The following CERS6 variants were observed in gnomAD, a reference collection of about 807,000 sequenced individuals.
The protein encoded by CERS6 is ceramide synthase 6.
CERS6 carries 26 observed loss-of-function variants against 56.8 expected under a neutral mutation model. The ratio of observed to expected loss-of-function variants is 0.46; its 90% CI spans 0.34 to 0.63. The LOEUF is 0.63. Among genes scored for constraint, CERS6 ranks in the 30% least tolerant of loss-of-function variants. The pLI is 0.01. For missense variants in CERS6, 415 were observed against 467.5 expected, an observed-to-expected ratio of 0.89 and a Z score of 1.04; for synonymous variants, 164 against 173.3, an observed-to-expected ratio of 0.95 and a Z score of 0.42.
At chr2:168,535,130 G>T (rs1695236996) in intron 1 of CERS6, among the ~76,000 whole-genome samples, 1 of 152,224 alleles carries the variant, frequency 6.6e-6, no homozygotes, top group Admixed American at 6.5e-5. Flanking sequence ...CCTGCCCAGG[G>T]AGCTTAGCAT....
intron 4 of CERS6, among the ~76,000 whole-genome samples, chr2:168,678,610 C>T (rs1016838370): frequency 6.6e-6 from 1 of 152,202 alleles, no homozygotes; most frequent in Non-Finnish European, 1.5e-5. Flanking sequence ...TACACTTTTA[C>T]TGCCAGCTCT....
At chr2:168,552,889 C>T (rs1695601669) in intron 2 of CERS6, among the ~76,000 whole-genome samples, 1 of 151,972 alleles carries the variant, frequency 6.6e-6, no homozygotes, top group South Asian at 2.1e-4. Context: ...CTCCTGTTAA[C>T]AAAATTTTCA....
At chr2:168,609,920 A>G (rs1000272360) in intron 3 of CERS6, among the ~76,000 whole-genome samples, 5 of 150,944 alleles carry the variant, frequency 3.3e-5, no homozygotes, top group Non-Finnish European at 5.9e-5. Context: ...CCTTGAAAAT[A>G]GAGGTAACTC....
chr2:168,752,609 C>T lies in CERS6; in HGVS notation c.846-12983C>T, dbSNP rs147263358. ...CTGGTGATGGGGTGCGAACAAGGAG[C>T]GTGGCACGTAGCTGGCAGCTACAGT... On this transcript the variant is annotated intron_variant, in intron 8 of 9. Coordinates refer to ENST00000305747, the MANE Select transcript of CERS6 (RefSeq NM_203463.3). Among the ~76,000 whole-genome samples, 580 of 152,180 alleles carry T rather than the reference C, an allele frequency of 3.8e-3. 6 individuals are homozygous for T. The highest frequency in any genetic ancestry group is 2.6e-3 in the Non-Finnish European group (174 of 67,996).
chr2:168,472,016 G>T (rs542270153), intron 1 of CERS6, among the ~76,000 whole-genome samples: 19 of 152,118 alleles, frequency 1.2e-4, no homozygotes, highest in Non-Finnish European at 2.5e-4. Flanking sequence ...ATTGACCCAT[G>T]TGTGCACAAT....
chr2:168,643,383 A>G (rs1388159713), intron 4 of CERS6, among the ~76,000 whole-genome samples: 1 of 152,192 alleles, frequency 6.6e-6, no homozygotes, highest in African/African-American at 2.4e-5. Flanking sequence ...AGGCAGGAAA[A>G]TGATTCCCCA....
intron 9 of CERS6, chr2:168,766,485 C>A (rs1684735160): frequency 1.3e-6 from 1 of 763,460 alleles, no homozygotes; most frequent in Non-Finnish European, 2.3e-6. Flanking sequence ...TGAGCTGTAG[C>A]TCTGTGAACT....
intron 3 of CERS6, among the ~76,000 whole-genome samples, chr2:168,579,696 T>C (rs560882896): frequency 2.0e-5 from 3 of 152,292 alleles, no homozygotes; most frequent in Non-Finnish European, 4.4e-5. Context: ...GCCCTCCCCG[T>C]CTCTGCTGTG....
At chr2:168,555,591 C>CT (rs1695660635) in intron 2 of CERS6, among the ~76,000 whole-genome samples, 1 of 151,172 alleles carries the variant, frequency 6.6e-6, no homozygotes, top group Non-Finnish European at 1.5e-5. Context: ...GCTAAATCGA[C>CT]TAAGAAAAAA....
intron 3 of CERS6, among the ~76,000 whole-genome samples, chr2:168,620,046 C>CACACACACACACAT (rs1299690491): frequency 6.9e-6 from 1 of 145,870 alleles, no homozygotes; most frequent in East Asian, 2.1e-4. Context: ...CACACACACA[C>CACACACACACACAT]ACACACACAC....
Position 168,769,658 on chromosome 2 carries a change from A to C in CERS6, c.1151A>C (p.Asp384Ala). 1 of 1,610,194 alleles carries C rather than the reference A, an allele frequency of 6.2e-7. No homozygotes were observed. The highest frequency in any genetic ancestry group is 8.5e-7 in the Non-Finnish European group (1 of 1,178,814). The change falls in exon 10 of 10, where the codon GAT (aspartate) becomes GCT (alanine). Residue 384 changes from aspartate to alanine, a missense_variant. Physicochemically the swap from Asp to Ala is moderately radical, Grantham distance 126. Coordinates refer to ENST00000305747, the MANE Select transcript of CERS6 (RefSeq NM_203463.3). ...YLLTGSCSMD[D>A] ...CTGACTGGCTCCTGCTCCATGGATG[A>C]TTAATTACTCAAAACTACAAGTCCC...
chr2:168,602,079 G>T (rs1326272419), intron 3 of CERS6, among the ~76,000 whole-genome samples: 1 of 152,236 alleles, frequency 6.6e-6, no homozygotes, highest in Non-Finnish European at 1.5e-5. Context: ...CTGAGAGGCA[G>T]TCACTATGCT....
chr2:168,582,278 C>T (rs963361335), intron 3 of CERS6, among the ~76,000 whole-genome samples: 5 of 152,132 alleles, frequency 3.3e-5, no homozygotes, highest in Admixed American at 3.3e-4. Flanking sequence ...TCCCCCTTTC[C>T]TCCAGGGGCT....
intron 3 of CERS6, among the ~76,000 whole-genome samples, chr2:168,584,861 G>A (rs1309515091): frequency 6.6e-6 from 1 of 152,212 alleles, no homozygotes; most frequent in African/African-American, 2.4e-5. Flanking sequence ...TAAGAGCAAG[G>A]CTTGGATTAG....
intron 3 of CERS6, among the ~76,000 whole-genome samples, chr2:168,588,713 A>T (rs1419404730): frequency 6.6e-6 from 1 of 152,108 alleles, no homozygotes; most frequent in African/African-American, 2.4e-5. Context: ...ATGAACCTGG[A>T]TGTACAAATA....
chr2:168,758,038 T>G (rs1232764412), intron 8 of CERS6, among the ~76,000 whole-genome samples: 1 of 152,172 alleles, frequency 6.6e-6, no homozygotes, highest in African/African-American at 2.4e-5. Flanking sequence ...TTACCCGACT[T>G]TCAGGTTTTA....
chr2:168,513,944 G>A (rs1452704118), intron 1 of CERS6, among the ~76,000 whole-genome samples: 2 of 152,028 alleles, frequency 1.3e-5, no homozygotes, highest in Non-Finnish European at 2.9e-5. Context: ...TCCCTATTCT[G>A]CTGCTCCCTA....
chr2:168,596,562 T>C (rs1462178546), intron 3 of CERS6, among the ~76,000 whole-genome samples: 4 of 141,034 alleles, frequency 2.8e-5, no homozygotes, highest in Non-Finnish European at 6.2e-5. Flanking sequence ...CCCCTTTTTT[T>C]TTTTTTTTTG....
At chr2:168,616,435 C>T (rs193281647) in intron 3 of CERS6, among the ~76,000 whole-genome samples, 29 of 152,210 alleles carry the variant, frequency 1.9e-4, no homozygotes, top group Non-Finnish European at 4.0e-4. Context: ...TTAAAAGATA[C>T]GGAATGGCAG....
Sources: allele counts gnomAD v4.1 joint callset (sites outside exome capture counted in the v4.1 genomes callset), GRCh38; gene constraint gnomAD v4.1.1; transcripts MANE v1.5; gene names NCBI Gene and HGNC (gene_info 2026-07-23, HGNC 2026-07-21).